Variants in CTNNA3 observed in about 807,000 individuals in gnomAD.
CTNNA3 encodes the protein catenin alpha 3, also known as catenin alpha-3.
Under a neutral mutation model 95.7 loss-of-function variants are expected in CTNNA3, and 76 were observed. The observed-to-expected ratio is 0.79, with a 90% confidence interval of 0.66 to 0.96. The LOEUF is 0.96. Among genes scored for constraint, CTNNA3 ranks in the 40% least tolerant of loss-of-function variants. The probability of loss-of-function intolerance (pLI) is 0.00; values close to 1 mark genes in which losing one functional copy is unlikely to be tolerated. For missense variants in CTNNA3, 1,191 were observed against 1,089.8 expected (o/e 1.09, Z -1.31); for synonymous variants, 431 against 374.4 (o/e 1.15, Z -1.74).
At chr10:66,325,042 C>A (rs1278899452) in intron 12 of CTNNA3, among the ~76,000 whole-genome samples, 1 of 151,762 alleles carries the variant, frequency 6.6e-6, no homozygotes, top group Non-Finnish European at 1.5e-5. Flanking sequence ...GAGGCACTGT[C>A]CCAGAGAGGA....
chr10:66,030,694 A>G (rs1303070494), intron 15 of CTNNA3, among the ~76,000 whole-genome samples: 1 of 152,238 alleles, frequency 6.6e-6, no homozygotes, highest in Admixed American at 6.5e-5. Flanking sequence ...AACAAAAATA[A>G]AAATGGTCAA....
At chr10:66,646,398 C>G (rs1335821506) in intron 9 of CTNNA3, among the ~76,000 whole-genome samples, 3 of 152,156 alleles carry the variant, frequency 2.0e-5, no homozygotes, top group South Asian at 4.2e-4. Context: ...GGGAGCAAAA[C>G]AATAACTCAG....
intron 7 of CTNNA3, among the ~76,000 whole-genome samples, chr10:66,956,014 G>A (rs184409969): frequency 6.6e-6 from 1 of 152,208 alleles, no homozygotes; most frequent in East Asian, 1.9e-4. Context: ...GAGCCTTTAA[G>A]GGAATTCTGC....
intron 7 of CTNNA3, among the ~76,000 whole-genome samples, chr10:66,931,796 T>C (rs1847411498): frequency 6.6e-6 from 1 of 152,110 alleles, no homozygotes. Flanking sequence ...GAAATAAGTG[T>C]CCAAGATGAA....
intron 11 of CTNNA3, among the ~76,000 whole-genome samples, chr10:66,480,621 T>C (rs1839487764): frequency 6.6e-6 from 1 of 150,970 alleles, no homozygotes; most frequent in Non-Finnish European, 1.5e-5. Context: ...ATTTTTTTTT[T>C]TGAGACAAAG....
Position 65,912,607 on chromosome 10 carries a change from C to T in CTNNA3, c.*7723G>A, listed in dbSNP as rs752576232. The stretch of plus-strand genomic sequence containing the variant: ...AAATTCTTAATGAGCTACAGAGTGA[C>T]ATGAGTTGAAATTAGAATAAAGTAA... On this transcript the variant is annotated 3_prime_UTR_variant, in exon 18 of 18. Transcript: ENST00000433211. The T allele has an allele frequency of 1.3e-5, 2 of 152,064 alleles. No homozygotes were observed. The highest frequency in any genetic ancestry group is 1.3e-4 in the Admixed American group (2 of 15,256). The allele number at this position is 152,064 out of a possible 1,614,324, so 9.4% of individuals were successfully genotyped here.
At chr10:67,335,545 TCAC>T (rs1219486533) in intron 5 of CTNNA3, among the ~76,000 whole-genome samples, 4 of 152,218 alleles carry the variant, frequency 2.6e-5, no homozygotes, top group African/African-American at 9.6e-5. Context: ...ACAACCACTA[TCAC>T]TCACTGATTC....
chr10:66,693,302 G>T (rs1180581022), intron 9 of CTNNA3, among the ~76,000 whole-genome samples: 2 of 148,508 alleles, frequency 1.3e-5, no homozygotes, highest in Non-Finnish European at 3.0e-5. Context: ...AAAGGCAGGG[G>T]TTGCAATCCT....
At chr10:66,325,496 T>G (rs2092243357) in intron 12 of CTNNA3, among the ~76,000 whole-genome samples, 1 of 152,060 alleles carries the variant, frequency 6.6e-6, no homozygotes, top group Non-Finnish European at 1.5e-5. Context: ...CCTCCTGCCT[T>G]GATCTCTGAA....
intron 5 of CTNNA3, among the ~76,000 whole-genome samples, chr10:67,353,096 T>A (rs1235689751): frequency 6.6e-6 from 1 of 152,030 alleles, no homozygotes; most frequent in East Asian, 1.9e-4. Flanking sequence ...CTTCCGCCAC[T>A]TACTAGCTCT....
chr10:66,927,447 C>G lies in CTNNA3; in HGVS notation c.1048-151923G>C, dbSNP rs779079910. ...TGAGAACCATCCCTGTGCGAATATT[C>G]CAAGACTGCCGCAACCTGGAACTTT... On this transcript the variant is annotated intron_variant, in intron 7 of 17. Coordinates refer to ENST00000433211, the MANE Select transcript of CTNNA3 (RefSeq NM_013266.4). This position sits in a 1 kb window ranked among gnomAD's most constrained non-coding sequence, Gnocchi z 4.7. The G allele has an allele frequency of 6.2e-7, 1 of 1,614,098 alleles. No individual in the cohort carries two copies. The highest frequency in any genetic ancestry group is 8.5e-7 in the Non-Finnish European group (1 of 1,180,030).
chr10:66,810,367 G>GGT (rs1841825781), intron 7 of CTNNA3, among the ~76,000 whole-genome samples: 1 of 151,984 alleles, frequency 6.6e-6, no homozygotes, highest in African/African-American at 2.4e-5. Flanking sequence ...CTAGCTTTCT[G>GGT]GAAGATAGCA....
chr10:66,039,678 T>C (rs1245804739), intron 15 of CTNNA3, among the ~76,000 whole-genome samples: 2 of 152,214 alleles, frequency 1.3e-5, no homozygotes, highest in South Asian at 2.1e-4. Flanking sequence ...GCTAGCCATG[T>C]GCAGAAGATT....
intron 7 of CTNNA3, among the ~76,000 whole-genome samples, chr10:66,812,958 C>A (rs1351875637): frequency 2.0e-5 from 3 of 152,008 alleles, no homozygotes; most frequent in Non-Finnish European, 4.4e-5. Flanking sequence ...TTTGTTGAAA[C>A]CCAAGCAGCA....
At chr10:67,552,985 T>G (rs1358281533) in intron 3 of CTNNA3, among the ~76,000 whole-genome samples, 1 of 152,112 alleles carries the variant, frequency 6.6e-6, no homozygotes, top group African/African-American at 2.4e-5. Context: ...TTTAACCCCG[T>G]TTTTTTACCA....
intron 5 of CTNNA3, among the ~76,000 whole-genome samples, chr10:67,447,830 T>G (rs1846815725): frequency 6.6e-6 from 1 of 152,212 alleles, no homozygotes; most frequent in Non-Finnish European, 1.5e-5. Context: ...TCCTGTTTCA[T>G]TCACCTCTTA....
chr10:67,601,923 A>AGTCTGT (rs1843095560), intron 3 of CTNNA3, among the ~76,000 whole-genome samples: 1 of 152,180 alleles, frequency 6.6e-6, no homozygotes, highest in Non-Finnish European at 1.5e-5. Context: ...TAGGTAACCA[A>AGTCTGT]AATACCCACA....
chr10:66,736,191 C>CA (rs970994201), intron 9 of CTNNA3, among the ~76,000 whole-genome samples: 6 of 144,966 alleles, frequency 4.1e-5, no homozygotes, highest in Admixed American at 3.5e-4. Context: ...GTGACGAATA[C>CA]TTTTTTTTTT....
intron 3 of CTNNA3, among the ~76,000 whole-genome samples, chr10:67,554,218 A>T (rs1391707335): frequency 2.0e-5 from 3 of 152,220 alleles, no homozygotes; most frequent in African/African-American, 7.2e-5. Flanking sequence ...CACAATAAAC[A>T]TACGTGTGCA....
Sources: allele counts gnomAD v4.1 joint callset (sites outside exome capture counted in the v4.1 genomes callset), GRCh38; gene constraint gnomAD v4.1.1; non-coding constraint Gnocchi (gnomAD v3.1); transcripts MANE v1.5; gene names NCBI Gene and HGNC (gene_info 2026-07-23, HGNC 2026-07-21).